Variants in THRB observed in about 807,000 individuals in gnomAD.
The protein encoded by THRB is thyroid hormone receptor beta, also known as nuclear receptor subfamily 1 group A member 2.
In THRB, 12 loss-of-function variants were observed where a neutral mutation model predicts 47.8. That is an observed-to-expected ratio of 0.25 (90% CI 0.16 to 0.41). THRB has a LOEUF of 0.41. Ranked by LOEUF, THRB falls within the 10% of genes least tolerant of loss-of-function variation. The pLI, the probability that THRB is intolerant of heterozygous loss-of-function variation, is 1.00. For missense variants in THRB, 348 were observed against 589.2 expected (o/e 0.59, Z 4.24); for synonymous variants, 218 against 212.2 (o/e 1.03, Z -0.24).
chr3:24,271,580 A>T (rs552407921), intron 3 of THRB, among the ~76,000 whole-genome samples: 3 of 152,248 alleles, frequency 2.0e-5, no homozygotes, highest in Admixed American at 6.5e-5. Flanking sequence ...AGAGGTTCTC[A>T]TTAGAAGAAA....
chr3:24,342,686 G>A (rs2062753392), intron 1 of THRB, among the ~76,000 whole-genome samples: 1 of 152,150 alleles, frequency 6.6e-6, no homozygotes, highest in Non-Finnish European at 1.5e-5. Flanking sequence ...GGGCAAGCAG[G>A]TGAATACACA....
At chr3:24,257,422 T>C (rs1559752695) in intron 3 of THRB, among the ~76,000 whole-genome samples, 1 of 152,142 alleles carries the variant, frequency 6.6e-6, no homozygotes, top group Admixed American at 6.5e-5. Flanking sequence ...TTATAGAATA[T>C]GAAATAGATC....
intron 3 of THRB, among the ~76,000 whole-genome samples, chr3:24,289,300 T>C (rs1351482989): frequency 3.3e-5 from 5 of 152,250 alleles, no homozygotes; most frequent in Non-Finnish European, 7.3e-5. Context: ...CACAAATTTC[T>C]AAATGTTTAG....
chr3:24,450,841 G>A (rs1475903562), intron 1 of THRB, among the ~76,000 whole-genome samples: 1 of 152,292 alleles, frequency 6.6e-6, no homozygotes, highest in Admixed American at 6.5e-5. Context: ...TCAGTGTGCT[G>A]CAGCAGCTCA....
chr3:24,188,858 A>AATATATATATAT (rs34740399), intron 5 of THRB, among the ~76,000 whole-genome samples: 1,548 of 94,188 alleles, frequency 0.016, 185 homozygotes, highest in African/African-American at 0.076. Flanking sequence ...GATCTCCTCA[A>AATATATATATAT]ATATATATAT....
chr3:24,343,267 G>A (rs1267057556), intron 1 of THRB, among the ~76,000 whole-genome samples: 1 of 152,086 alleles, frequency 6.6e-6, no homozygotes, highest in Non-Finnish European at 1.5e-5. Context: ...GGATTTCAGT[G>A]GAGTCTATGA....
chr3:24,263,908 T>C (rs994032617), intron 3 of THRB, among the ~76,000 whole-genome samples: 5 of 152,190 alleles, frequency 3.3e-5, no homozygotes, highest in African/African-American at 7.2e-5. Flanking sequence ...TCCAAAGTGA[T>C]GTCTCAGTTC....
chr3:24,180,101 T>G (rs1048039483), intron 5 of THRB, among the ~76,000 whole-genome samples: 3 of 152,180 alleles, frequency 2.0e-5, no homozygotes, highest in African/African-American at 2.4e-5. Flanking sequence ...GGGCAGTAGC[T>G]TCTTTTACTT....
chr3:24,426,388 GT>G (rs751643715), intron 1 of THRB, among the ~76,000 whole-genome samples: 10 of 151,912 alleles, frequency 6.6e-5, no homozygotes, highest in Non-Finnish European at 1.0e-4. Flanking sequence ...CTGGAAATGA[GT>G]TTCTGAATAA....
intron 1 of THRB, among the ~76,000 whole-genome samples, chr3:24,400,536 C>T (rs2067308786): frequency 6.6e-6 from 1 of 151,896 alleles, no homozygotes; most frequent in Admixed American, 6.6e-5. Context: ...AAAAAGAGTT[C>T]AAGGTAGACT....
At chr3:24,150,118 C>G (rs1183114566) in intron 6 of THRB, among the ~76,000 whole-genome samples, 1 of 152,162 alleles carries the variant, frequency 6.6e-6, no homozygotes, top group Non-Finnish European at 1.5e-5. Flanking sequence ...GTATCAATAT[C>G]CTTTCTACAA....
chr3:24,137,853 G>A (rs2034884910), intron 8 of THRB, among the ~76,000 whole-genome samples: 1 of 152,150 alleles, frequency 6.6e-6, no homozygotes, highest in African/African-American at 2.4e-5. Context: ...AGGCTGAAGT[G>A]CACTATGGGG....
chr3:24,239,292 T>G (rs1281500166), intron 3 of THRB, among the ~76,000 whole-genome samples: 1 of 152,096 alleles, frequency 6.6e-6, no homozygotes, highest in Non-Finnish European at 1.5e-5. Context: ...TGTTGGCTCT[T>G]TATCAGAAAT....
At chr3:24,370,152 C>T (rs187616754) in intron 1 of THRB, among the ~76,000 whole-genome samples, 3 of 152,122 alleles carry the variant, frequency 2.0e-5, no homozygotes, top group East Asian at 1.9e-4. Context: ...CTGCTTAGAA[C>T]GGGGCATTAT....
chr3:24,201,310 T>C lies in THRB; in HGVS notation c.23-10976A>G, dbSNP rs9850650. Among the ~76,000 whole-genome samples the C allele has an allele frequency of 3.7e-3, 569 of 152,218 alleles. 1 individual carries two copies. The highest frequency in any genetic ancestry group is 0.013 in the African/African-American group (547 of 41,528). On this transcript the variant is annotated intron_variant, in intron 4 of 10. Coordinates refer to ENST00000646209, the MANE Select transcript of THRB (RefSeq NM_001354712.2). Reference sequence around the variant, plus strand: ...CCTGCTTGATCTCTACTGCTTGATCTCTACTTGGGTCAGGTGTGCCCCCTG... The same window carrying C: ...CCTGCTTGATCTCTACTGCTTGATCCCTACTTGGGTCAGGTGTGCCCCCTG...
intron 4 of THRB, among the ~76,000 whole-genome samples, chr3:24,217,144 A>G (rs1398664341): frequency 6.6e-6 from 1 of 150,812 alleles, no homozygotes; most frequent in African/African-American, 2.4e-5. Flanking sequence ...AATCCTACTT[A>G]GAGTTGAGAA....
rs1273826262 is a variant in THRB, at chr3:24,146,823, C to G, written c.385-1G>C. The G allele has an allele frequency of 6.2e-7, 1 of 1,613,516 alleles. No individual in the cohort carries two copies. Among genetic ancestry groups the G allele is most frequent in the Non-Finnish European group, 8.5e-7 (1 of 1,179,624 alleles). ...TCTGAATGGTTCTTCTAAAGAAACCCTATATGAAAAACAAAGACCCAAGAC... is the reference window on the plus strand; with the variant it reads ...TCTGAATGGTTCTTCTAAAGAAACCGTATATGAAAAACAAAGACCCAAGAC... On this transcript the variant is annotated splice_acceptor_variant, in intron 6 of 10. Transcript: ENST00000646209. LOFTEE classifies it high-confidence loss of function.
intron 4 of THRB, among the ~76,000 whole-genome samples, chr3:24,196,516 T>C (rs752918075): frequency 6.6e-6 from 1 of 152,184 alleles, no homozygotes; most frequent in African/African-American, 2.4e-5. Context: ...CACTTATGCA[T>C]CCACATGACC....
At chr3:24,294,018 G>A (rs1016740913) in intron 3 of THRB, among the ~76,000 whole-genome samples, 16 of 152,204 alleles carry the variant, frequency 1.1e-4, no homozygotes, top group African/African-American at 3.9e-4. Context: ...ATCAAGAGAA[G>A]TGGACTCCTT....
Sources: allele counts gnomAD v4.1 joint callset (sites outside exome capture counted in the v4.1 genomes callset), GRCh38; gene constraint gnomAD v4.1.1; transcripts MANE v1.5; gene names NCBI Gene and HGNC (gene_info 2026-07-23, HGNC 2026-07-21).